Variants in SLC27A1 observed in about 807,000 individuals in gnomAD.
SLC27A1 encodes the protein solute carrier family 27 member 1, also known as long-chain fatty acid transport protein 1.
Under a neutral mutation model 62.2 loss-of-function variants are expected in SLC27A1, and 61 were observed. The ratio of observed to expected loss-of-function variants is 0.98; its 90% CI spans 0.80 to 1.21. The LOEUF is 1.21. Ranked by LOEUF, SLC27A1 falls within the 50% of genes most tolerant of loss-of-function variation. The pLI, the probability that SLC27A1 is intolerant of heterozygous loss-of-function variation, is 0.00. For missense variants in SLC27A1, 903 were observed against 932.1 expected, an observed-to-expected ratio of 0.97 and a Z score of 0.41; for synonymous variants, 435 against 408.6, an observed-to-expected ratio of 1.06 and a Z score of -0.78.
intron 1 of SLC27A1, among the ~76,000 whole-genome samples, chr19:17,484,533 G>T (rs894110554): frequency 3.9e-5 from 6 of 152,004 alleles, no homozygotes; most frequent in African/African-American, 1.4e-4. Flanking sequence ...TCTGCAGTAA[G>T]CCATGATCAT....
chr19:17,475,184 G>T (rs906384733), intron 1 of SLC27A1, among the ~76,000 whole-genome samples: 13 of 152,262 alleles, frequency 8.5e-5, no homozygotes, highest in South Asian at 4.1e-4. Flanking sequence ...CAGAATGCTG[G>T]TATTACAGGC....
At chr19:17,480,546 T>TTTC (rs1233616163) in intron 1 of SLC27A1, among the ~76,000 whole-genome samples, 10 of 144,214 alleles carry the variant, frequency 6.9e-5, no homozygotes, top group Non-Finnish European at 1.2e-4. Flanking sequence ...TTTTTCTTTT[T>TTTC]TTTTTTTTTT....
At chr19:17,480,474 G>C (rs1353012169) in intron 1 of SLC27A1, among the ~76,000 whole-genome samples, 1 of 149,710 alleles carries the variant, frequency 6.7e-6, no homozygotes, top group Non-Finnish European at 1.5e-5. Context: ...AGGCCCAAGC[G>C]ATCCTCCTGT....
chr19:17,480,560 C>A (rs1435048190), intron 1 of SLC27A1, among the ~76,000 whole-genome samples: 2 of 11,076 alleles, frequency 1.8e-4, no homozygotes, highest in African/African-American at 4.7e-4. Context: ...TTTTTTTTTG[C>A]AGAGATGAGG....
chr19:17,481,307 TA>T (rs2075175610), intron 1 of SLC27A1, among the ~76,000 whole-genome samples: 1 of 150,530 alleles, frequency 6.6e-6, no homozygotes. Flanking sequence ...GCACATGGTT[TA>T]GTTCCTTTTT....
chr19:17,500,457 G>C, intron 8 of SLC27A1, 38 bp from the exon 9 acceptor site: 4 of 1,612,132 alleles, frequency 2.5e-6, no homozygotes, highest in Non-Finnish European at 3.4e-6. Context: ...CCCACGCCCT[G>C]CCTGCCTAGC....
chr19:17,502,920 C>T (rs999323080), intron 11 of SLC27A1, among the ~76,000 whole-genome samples: 2 of 152,068 alleles, frequency 1.3e-5, no homozygotes, highest in Admixed American at 6.6e-5. Flanking sequence ...AAAGACATAT[C>T]CGAGACTGGG....
intron 1 of SLC27A1, among the ~76,000 whole-genome samples, chr19:17,485,191 CTT>C (rs386388659): frequency 1.4e-4 from 15 of 104,992 alleles, no homozygotes; most frequent in South Asian, 6.3e-4. Context: ...TTTTTGTTTC[CTT>C]TTTTTTTTTT....
chr19:17,497,114 A>G, intron 6 of SLC27A1, 141 bp from the exon 7 acceptor site: 4 of 612,058 alleles, frequency 6.5e-6, no homozygotes, highest in Non-Finnish European at 1.1e-5. Flanking sequence ...AGTGTGGACG[A>G]TTCTGCAGCC....
intron 1 of SLC27A1, among the ~76,000 whole-genome samples, chr19:17,481,731 G>A (rs2075180511): frequency 6.6e-6 from 1 of 152,234 alleles, no homozygotes; most frequent in South Asian, 2.1e-4. Context: ...TCGAACTGCT[G>A]GGCTCAAGCA....
intron 1 of SLC27A1, among the ~76,000 whole-genome samples, chr19:17,472,787 A>G: frequency 6.6e-6 from 1 of 152,062 alleles, no homozygotes; most frequent in East Asian, 1.9e-4. Context: ...TTGGCCTCCT[A>G]AAGTGCTGGG....
intron 1 of SLC27A1, among the ~76,000 whole-genome samples, chr19:17,471,693 A>C (rs1350670875): frequency 6.6e-6 from 1 of 152,158 alleles, no homozygotes; most frequent in Non-Finnish European, 1.5e-5. Context: ...AGGAGGGCAC[A>C]GAGGGTGTGG....
upstream of SLC27A1, among the ~76,000 whole-genome samples, chr19:17,470,224 G>C (rs544540613): frequency 4.6e-5 from 7 of 151,934 alleles, no homozygotes; most frequent in Non-Finnish European, 1.0e-4. Flanking sequence ...CAAAAATATG[G>C]AATAGAGCGG....
In SLC27A1 at chr19:17,487,188, A is replaced by G; in HGVS notation, c.577A>G (p.Ser193Gly). 2.5e-6 allele frequency: 4 copies of G among 1,614,028 alleles called. No individual in the cohort carries two copies. The highest frequency in any genetic ancestry group is 3.4e-6 in the Non-Finnish European group (4 of 1,179,970). The change falls in exon 3 of 12, where the codon AGC (serine) becomes GGC (glycine). Residue 193 changes from serine (S) to glycine (G), a missense_variant. Ser to Gly is a moderately conservative substitution (Grantham distance 56, BLOSUM62 0). Transcript: ENST00000252595. The stretch of plus-strand genomic sequence containing the variant: ...GGGGACCACAGCGGTGGCCGAAGTG[A>G]GCGGGCATCTGGGGAAAAGTTTGAT... ...GEMVAAVAEVSGHLGKSLIKF... is the reference protein window; with the variant it reads ...GEMVAAVAEVGGHLGKSLIKF...
chr19:17,489,198 C>T (rs1018531134), intron 6 of SLC27A1, 81 bp downstream of exon 6: 22 of 1,159,698 alleles, frequency 1.9e-5, no homozygotes, highest in Middle Eastern at 2.5e-4. Flanking sequence ...CCACCTCCTC[C>T]CGGTGAGGCC....
In SLC27A1 at chr19:17,504,676, C is replaced by A; in HGVS notation, c.*64C>A. ...GGAGAGGCCAGCTTGAGCCAGACAG[C>A]GCTGCCCAGGGGTGGCCGCCTAGTA... On this transcript the variant is annotated 3_prime_UTR_variant, in exon 12 of 12. Transcript: ENST00000252595. 6.2e-7 allele frequency: 1 copy of A among 1,601,682 alleles called. No individual in the cohort carries two copies. The highest frequency in any genetic ancestry group is 1.7e-5 in the Admixed American group (1 of 59,018).
At chr19:17,478,537 T>C (rs2075146470) in intron 1 of SLC27A1, among the ~76,000 whole-genome samples, 1 of 150,092 alleles carries the variant, frequency 6.7e-6, no homozygotes, top group Non-Finnish European at 1.5e-5. Flanking sequence ...AAAAGGGTGC[T>C]TGTTTACAAT....
At position 17,504,505 on chromosome 19, in the gene SLC27A1, C is replaced by T. The variant is rs149575978; in HGVS notation, c.1834C>T (p.Arg612Cys). The T allele has an allele frequency of 2.0e-4, 320 of 1,614,214 alleles. 1 individual carries two copies. Among genetic ancestry groups the T allele is most frequent in the African/African-American group, 9.2e-4 (69 of 75,064 alleles). ...TRLQREGFDP[R>C]QTSDRLFFLD... ...GCTGCAGCGAGAGGGCTTTGACCCA[C>T]GCCAGACCTCAGACCGGCTCTTCTT... The change falls in exon 12 of 12, where the codon CGC becomes TGC. Residue 612 changes from arginine to cysteine, a missense_variant. Coordinates refer to ENST00000252595, the MANE Select transcript of SLC27A1 (RefSeq NM_198580.3).
chr19:17,484,340 T>G (rs2075208154), intron 1 of SLC27A1, among the ~76,000 whole-genome samples: 1 of 152,150 alleles, frequency 6.6e-6, no homozygotes. Context: ...ACGCCTGTAA[T>G]CCCAGCACAT....
Sources: gnomAD v4.1 joint callset for allele counts (sites outside exome capture counted in the v4.1 genomes callset) on GRCh38, gnomAD v4.1.1 for gene constraint, MANE v1.5 for transcripts, NCBI Gene and HGNC (gene_info 2026-07-23, HGNC 2026-07-21) for gene names.